The following HSD17B12 variants were observed in gnomAD, a reference collection of about 807,000 sequenced individuals.
HSD17B12 encodes the protein hydroxysteroid 17-beta dehydrogenase 12.
HSD17B12 carries 32 observed loss-of-function variants against 39.3 expected under a neutral mutation model. That is an observed-to-expected ratio of 0.81 (90% CI 0.61 to 1.09). The LOEUF is 1.09. HSD17B12 is among the 50% of genes least tolerant of loss of function. The probability of loss-of-function intolerance (pLI) is 0.00; values close to 1 mark genes in which losing one functional copy is unlikely to be tolerated. For synonymous variants in HSD17B12, 150 were observed against 146.7 expected (o/e 1.02, Z -0.16); for missense variants, 342 against 382.9 (o/e 0.89, Z 0.89).
intron 5 of HSD17B12, among the ~76,000 whole-genome samples, chr11:43,815,876 C>T (rs1951117675): frequency 6.6e-6 from 1 of 152,070 alleles, no homozygotes; most frequent in South Asian, 2.1e-4. Flanking sequence ...TGTTAATATA[C>T]AGCAACGTGG....
intron 9 of HSD17B12, among the ~76,000 whole-genome samples, chr11:43,843,123 A>G (rs1951442439): frequency 6.6e-6 from 1 of 152,190 alleles, no homozygotes; most frequent in African/African-American, 2.4e-5. Context: ...AATTCATTCA[A>G]GGTTTAAACT....
chr11:43,776,934 C>A (rs1950711400), intron 3 of HSD17B12, among the ~76,000 whole-genome samples: 1 of 152,226 alleles, frequency 6.6e-6, no homozygotes, highest in African/African-American at 2.4e-5. Flanking sequence ...GGCGTTATTT[C>A]TGAGGGCTCT....
chr11:43,791,106 C>T (rs1351691917), intron 3 of HSD17B12, among the ~76,000 whole-genome samples: 1 of 152,208 alleles, frequency 6.6e-6, no homozygotes, highest in Admixed American at 6.5e-5. Flanking sequence ...GAGTGAAGGG[C>T]CTTAGGCCAG....
the HSD17B12 span, among the ~76,000 whole-genome samples, chr11:43,569,098 G>A: frequency 1.3e-5 from 2 of 152,204 alleles, no homozygotes; most frequent in South Asian, 2.1e-4. Context: ...TTACTGGGGA[G>A]TTGAGATATG....
rs1951113785 is a variant in HSD17B12, at chr11:43,815,483, T to C, written c.438T>C (p.Asp146=). 1.3e-6 allele frequency: 2 copies of C among 1,577,672 alleles called. No homozygotes were observed. The highest frequency in any genetic ancestry group is 1.7e-6 in the Non-Finnish European group (2 of 1,154,712). ...ATGAGTATCCTGAATACTTTTTGGA[T>C]GTTCCTGACTTGGACAATGTAAGTC... ...MSYEYPEYFL[D]VPDLDNVIKK... is the part of the protein sequence containing the mutation. The change falls in exon 5 of 11, where the codon GAT becomes GAC. Residue 146 remains aspartate, a synonymous_variant. Coordinates refer to ENST00000278353, the MANE Select transcript of HSD17B12 (RefSeq NM_016142.3).
chr11:43,836,262 G>T (rs1421948963), intron 7 of HSD17B12, among the ~76,000 whole-genome samples: 1 of 152,162 alleles, frequency 6.6e-6, no homozygotes, highest in Non-Finnish European at 1.5e-5. Flanking sequence ...CACTTGCTGT[G>T]AATGAGTTTG....
chr11:43,637,899 T>C, the HSD17B12 span, among the ~76,000 whole-genome samples: 1 of 152,160 alleles, frequency 6.6e-6, no homozygotes, highest in East Asian at 1.9e-4. Context: ...TGGTTAACAT[T>C]AGGCAAGCCA....
the HSD17B12 span, among the ~76,000 whole-genome samples, chr11:43,617,015 G>A: frequency 6.6e-6 from 1 of 151,330 alleles, no homozygotes; most frequent in Non-Finnish European, 1.5e-5. Context: ...AAAATCCGGG[G>A]TAAGTTCTGT....
chr11:43,650,230 A>C, the HSD17B12 span, among the ~76,000 whole-genome samples: 3 of 152,224 alleles, frequency 2.0e-5, no homozygotes, highest in African/African-American at 7.2e-5. Context: ...TAGTATCTAC[A>C]ATAAGTAAGG....
chr11:43,606,905 A>G, the HSD17B12 span, among the ~76,000 whole-genome samples: 1 of 152,158 alleles, frequency 6.6e-6, no homozygotes, highest in Non-Finnish European at 1.5e-5. Context: ...CCTTTTCAGC[A>G]TGGCATTGGG....
At chr11:43,821,411 A>G (rs1951181831) in intron 6 of HSD17B12, among the ~76,000 whole-genome samples, 1 of 152,204 alleles carries the variant, frequency 6.6e-6, no homozygotes, top group South Asian at 2.1e-4. Flanking sequence ...AAACTGTAAG[A>G]GAAGTCCTAC....
the HSD17B12 span, among the ~76,000 whole-genome samples, chr11:43,557,206 G>A: frequency 1.3e-5 from 2 of 152,102 alleles, no homozygotes; most frequent in East Asian, 1.9e-4. Context: ...GGTAGGGGAC[G>A]CCGTCTTGGC....
chr11:43,561,333 G>A, the HSD17B12 span, among the ~76,000 whole-genome samples: 1 of 152,206 alleles, frequency 6.6e-6, no homozygotes, highest in Non-Finnish European at 1.5e-5. Context: ...AATTACTTTA[G>A]CAATTAATTC....
rs140361829 is a variant in HSD17B12 at position 43,779,455 on chromosome 11, A to T, written c.284-18865A>T. Among the ~76,000 whole-genome samples the T allele has an allele frequency of 1.2e-4, 18 of 152,346 alleles. No homozygotes were observed. In the East Asian group the frequency reaches 3.1e-3, roughly 26 times the overall value. On this transcript the variant is annotated intron_variant, in intron 3 of 10. Transcript: ENST00000278353. Reference sequence around the variant, plus strand: ...ATGCAACATGCTCTTTAAAATACCAAGAGCTGTTTCTGGACCATGATACTA... The same window carrying T: ...ATGCAACATGCTCTTTAAAATACCATGAGCTGTTTCTGGACCATGATACTA...
At chr11:43,663,256 C>T in the HSD17B12 span, among the ~76,000 whole-genome samples, 6 of 152,194 alleles carry the variant, frequency 3.9e-5, no homozygotes, top group African/African-American at 1.2e-4. Flanking sequence ...TGTGCCACCA[C>T]GCCCAGCTAA....
At chr11:43,820,878 G>T (rs535215472) in intron 6 of HSD17B12, among the ~76,000 whole-genome samples, 1 of 152,204 alleles carries the variant, frequency 6.6e-6, no homozygotes, top group East Asian at 1.9e-4. Context: ...AACACTGAAT[G>T]ACCTGGCTTT....
At chr11:43,737,378 A>G (rs2088107556) in intron 1 of HSD17B12, among the ~76,000 whole-genome samples, 1 of 152,218 alleles carries the variant, frequency 6.6e-6, no homozygotes, top group African/African-American at 2.4e-5. Context: ...TGTTGACTGT[A>G]TAAAATCTGG....
chr11:43,742,225 C>G (rs1029437539), intron 1 of HSD17B12, among the ~76,000 whole-genome samples: 21 of 150,292 alleles, frequency 1.4e-4, no homozygotes, highest in Non-Finnish European at 1.0e-4. Flanking sequence ...TCATCCTCAA[C>G]TTCCTGAGCT....
In HSD17B12 at chr11:43,791,417, A is replaced by T. The variant is rs1950866522; in HGVS notation, c.284-6903A>T. Reference sequence around the variant, plus strand: ...TGTGGTGGTGGGTGCCTGTAATCCCAGCTACTTGGGAGGCTGAGGCAAGAG... The same window carrying T: ...TGTGGTGGTGGGTGCCTGTAATCCCTGCTACTTGGGAGGCTGAGGCAAGAG... On this transcript the variant is annotated intron_variant, in intron 3 of 10. Transcript: ENST00000278353. Among the ~76,000 whole-genome samples the T allele has an allele frequency of 2.0e-5, 3 of 152,202 alleles. No homozygotes were observed. In the South Asian group the frequency reaches 6.2e-4, roughly 32 times the overall value.
Sources: allele counts gnomAD v4.1 joint callset (sites outside exome capture counted in the v4.1 genomes callset), GRCh38; gene constraint gnomAD v4.1.1; transcripts MANE v1.5; gene names NCBI Gene and HGNC (gene_info 2026-07-23, HGNC 2026-07-21).